The following WWOX variants were observed in gnomAD, a reference collection of about 807,000 sequenced individuals.
The protein encoded by WWOX is WW domain containing oxidoreductase.
In WWOX, 69 loss-of-function variants were observed where a neutral mutation model predicts 46.2. The ratio of observed to expected loss-of-function variants is 1.49; its 90% confidence interval spans 1.23 to 1.82. The LOEUF (loss-of-function observed/expected upper bound fraction) is 1.82, where lower values mean the gene tolerates loss of function less well. Among genes scored for constraint, WWOX ranks in the 40% most tolerant of loss-of-function variants. WWOX has a pLI of 0.00. For missense variants in WWOX, 919 were observed against 542.6 expected, an observed-to-expected ratio of 1.69 and a Z score of -6.89; for synonymous variants, 359 against 202.6, an observed-to-expected ratio of 1.77 and a Z score of -6.56.
At position 78,241,418 on chromosome 16, in the gene WWOX, T is replaced by C. The variant is rs191725409; in HGVS notation, c.516+77129T>C. 1.6e-3 allele frequency among the ~76,000 whole-genome samples: 239 copies of C among 152,186 alleles called. 2 individuals carry two copies. Among genetic ancestry groups the C allele is most frequent in the Non-Finnish European group, 2.9e-3 (198 of 68,006 alleles). The stretch of plus-strand genomic sequence containing the variant: ...TGATGATTGTGGTTGCTGTTGCTAT[T>C]TGTTTTTTTGGTTTGTTTGTTTGTT... On this transcript the variant is annotated intron_variant, in intron 5 of 8. Coordinates refer to ENST00000566780, the MANE Select transcript of WWOX (RefSeq NM_016373.4).
At chr16:78,408,832 A>C (rs1385257850) in intron 6 of WWOX, among the ~76,000 whole-genome samples, 2 of 152,148 alleles carry the variant, frequency 1.3e-5, no homozygotes, top group African/African-American at 4.8e-5. Flanking sequence ...TCTGGGAACG[A>C]GTGAGGGATT....
In WWOX at chr16:78,800,798, A is replaced by G. The variant is rs183627980; in HGVS notation, c.1056+368046A>G. 3.6e-3 allele frequency among the ~76,000 whole-genome samples: 542 copies of G among 152,302 alleles called. 4 individuals are homozygous for G. The highest frequency in any genetic ancestry group is 5.8e-3 in the Non-Finnish European group (396 of 68,020). On this transcript the variant is annotated intron_variant, in intron 8 of 8. Transcript: ENST00000566780. The stretch of plus-strand genomic sequence containing the variant: ...TCTGTGTCAGGCATGTAGCAGCCAC[A>G]GCAAACTTCTCTTGAGATAGCATCT...
chr16:78,272,117 C>T (rs1430645067), intron 5 of WWOX, among the ~76,000 whole-genome samples: 1 of 152,174 alleles, frequency 6.6e-6, no homozygotes, highest in African/African-American at 2.4e-5. Flanking sequence ...AAAACAACAA[C>T]CATTTTGTTT....
At chr16:79,036,151 G>C (rs2047861678) in intron 8 of WWOX, among the ~76,000 whole-genome samples, 1 of 152,122 alleles carries the variant, frequency 6.6e-6, no homozygotes, top group African/African-American at 2.4e-5. Flanking sequence ...TTGGATTTAG[G>C]AATTGGAGAT....
intron 8 of WWOX, among the ~76,000 whole-genome samples, chr16:78,682,466 C>G (rs2047752115): frequency 6.6e-6 from 1 of 152,084 alleles, no homozygotes; most frequent in African/African-American, 2.4e-5. Flanking sequence ...ACCTGTAATC[C>G]CAGCTACACA....
intron 8 of WWOX, among the ~76,000 whole-genome samples, chr16:78,654,722 G>T (rs1170948443): frequency 1.3e-5 from 2 of 151,222 alleles, no homozygotes; most frequent in Non-Finnish European, 3.0e-5. Context: ...TAAGATTTTG[G>T]GGCCTGTGAA....
At chr16:78,456,727 A>G (rs1443791188) in intron 8 of WWOX, among the ~76,000 whole-genome samples, 1 of 152,270 alleles carries the variant, frequency 6.6e-6, no homozygotes, top group Admixed American at 6.5e-5. Context: ...AAAAGGTAGA[A>G]TATCCACATG....
At chr16:79,119,624 C>T (rs146279898) in intron 8 of WWOX, among the ~76,000 whole-genome samples, 14 of 152,290 alleles carry the variant, frequency 9.2e-5, no homozygotes, top group South Asian at 2.1e-4. Context: ...AATGTGCCAG[C>T]GGCACACACA....
intron 8 of WWOX, among the ~76,000 whole-genome samples, chr16:78,707,162 G>T (rs1013161277): frequency 6.6e-6 from 1 of 152,150 alleles, no homozygotes; most frequent in Non-Finnish European, 1.5e-5. Context: ...TAGTGTTAAA[G>T]GGTTTATTTT....
chr16:78,754,851 T>C (rs972023602), intron 8 of WWOX, among the ~76,000 whole-genome samples: 5 of 152,118 alleles, frequency 3.3e-5, no homozygotes, highest in Non-Finnish European at 7.4e-5. Flanking sequence ...CCTCAGCTGG[T>C]GGGTGATAAC....
At position 78,940,102 on chromosome 16, in the gene WWOX, T is replaced by G. The variant is rs1009251399; in HGVS notation, c.1057-271506T>G. ...GCATTTGAGGTGGTCATCATTTTATTTGGGCCAGGGTCTTCCGAGACTTGG... is the reference window on the plus strand; with the variant it reads ...GCATTTGAGGTGGTCATCATTTTATGTGGGCCAGGGTCTTCCGAGACTTGG... On this transcript the variant is annotated intron_variant, in intron 8 of 8. Transcript: ENST00000566780. Among the ~76,000 whole-genome samples the G allele has an allele frequency of 2.0e-5, 3 of 152,230 alleles. No individual in the cohort carries two copies. In the East Asian group the frequency reaches 5.8e-4, roughly 29 times the overall value.
intron 5 of WWOX, among the ~76,000 whole-genome samples, chr16:78,374,995 G>C (rs961127964): frequency 1.3e-5 from 2 of 152,078 alleles, no homozygotes; most frequent in African/African-American, 4.8e-5. Flanking sequence ...TACATTTTCT[G>C]TCTTTACTGG....
intron 8 of WWOX, among the ~76,000 whole-genome samples, chr16:78,635,004 G>A (rs1052868028): frequency 5.9e-5 from 9 of 152,100 alleles, no homozygotes; most frequent in Non-Finnish European, 4.4e-5. Flanking sequence ...TCAGCCCCAT[G>A]CTTTCGTTTG....
intron 5 of WWOX, among the ~76,000 whole-genome samples, chr16:78,379,787 G>C (rs138788131): frequency 6.6e-6 from 1 of 152,138 alleles, no homozygotes; most frequent in Non-Finnish European, 1.5e-5. Flanking sequence ...GTAATAATTT[G>C]TGGTTTTGAA....
chr16:79,115,389 A>G (rs1037695858), intron 8 of WWOX, among the ~76,000 whole-genome samples: 2 of 152,220 alleles, frequency 1.3e-5, no homozygotes, highest in Non-Finnish European at 2.9e-5. Context: ...TAAGTAGGAA[A>G]GAAACTCGGG....
intron 8 of WWOX, among the ~76,000 whole-genome samples, chr16:79,142,281 C>T (rs954027145): frequency 8.5e-5 from 13 of 152,228 alleles, no homozygotes; most frequent in Non-Finnish European, 1.9e-4. Context: ...TGCCTCCAAG[C>T]ATATAAAACA....
At chr16:78,650,766 A>G (rs1248241651) in intron 8 of WWOX, among the ~76,000 whole-genome samples, 1 of 152,156 alleles carries the variant, frequency 6.6e-6, no homozygotes, top group Non-Finnish European at 1.5e-5. Context: ...TTTCCATGCC[A>G]TGTCTCCCCC....
chr16:78,901,695 C>T (rs761666230), intron 8 of WWOX, among the ~76,000 whole-genome samples: 2 of 152,144 alleles, frequency 1.3e-5, no homozygotes, highest in Non-Finnish European at 2.9e-5. Flanking sequence ...TTTCATGTTG[C>T]CCAGGCTGGT....
chr16:78,160,025 C>CT (rs991796071), intron 4 of WWOX, among the ~76,000 whole-genome samples: 2 of 151,934 alleles, frequency 1.3e-5, no homozygotes, highest in East Asian at 1.9e-4. Context: ...CTTTTAGCTT[C>CT]TTTTTTTCTC....
Sources: allele counts gnomAD v4.1 joint callset (sites outside exome capture counted in the v4.1 genomes callset), GRCh38; gene constraint gnomAD v4.1.1; transcripts MANE v1.5; gene names NCBI Gene and HGNC (gene_info 2026-07-23, HGNC 2026-07-21).